Variants in MYCBP2 observed in about 807,000 individuals in gnomAD.
MYCBP2 encodes E3 ubiquitin-protein ligase MYCBP2.
In MYCBP2, 120 loss-of-function variants were observed where a neutral mutation model predicts 525.3. The observed-to-expected ratio is 0.23, with a 90% confidence interval of 0.20 to 0.27. The LOEUF (loss-of-function observed/expected upper bound fraction) is 0.27. Ranked by LOEUF, MYCBP2 falls within the 10% of genes least tolerant of loss-of-function variation. The pLI, the probability that MYCBP2 is intolerant of heterozygous loss-of-function variation, is 1.00. For missense variants in MYCBP2, 4,149 were observed against 5,657.1 expected (o/e 0.73, Z 8.55); for synonymous variants, 1,894 against 1,955.8 (o/e 0.97, Z 0.83).
In MYCBP2 at chr13:77,160,574, T is replaced by C. The variant is rs570060376; in HGVS notation, c.6597+1332A>G. 2.6e-5 allele frequency among the ~76,000 whole-genome samples: 4 copies of C among 152,316 alleles called. No individual in the cohort carries two copies. The South Asian group carries it at 8.3e-4, about 32-fold the overall frequency. On this transcript the variant is annotated intron_variant, in intron 44 of 82. Coordinates refer to ENST00000544440, the MANE Select transcript of MYCBP2 (RefSeq NM_015057.5). ...GTCTTCAAGAAGTCACAAAACTTCT[T>C]TGAACTTCAGTTATTATAATTGTAA...
chr13:77,081,317 T>C lies in MYCBP2; in HGVS notation c.11418+110A>G, dbSNP rs1395357198. 1 of 880,088 alleles carries C rather than the reference T, an allele frequency of 1.1e-6. No individual in the cohort carries two copies. Among genetic ancestry groups the C allele is most frequent in the African/African-American group, 1.7e-5 (1 of 59,432 alleles). The allele number at this position is 880,088 out of a possible 1,614,324, so 54.5% of individuals were successfully genotyped here. A position where few individuals can be genotyped will look rare whatever the true frequency, so the allele number is the denominator to read the frequency against. ...TGGGGATTATAGCAATGATGTTTGG[T>C]TGGTGAAATTCCAGGTGATAAAGCT... On this transcript the variant is annotated intron_variant, in intron 65 of 82. Coordinates refer to ENST00000544440, the MANE Select transcript of MYCBP2 (RefSeq NM_015057.5). This position sits in a 1 kb window ranked among gnomAD's most constrained non-coding sequence, Gnocchi z 4.6.
intron 17 of MYCBP2, among the ~76,000 whole-genome samples, chr13:77,239,153 A>G (rs2068439239): frequency 6.6e-6 from 1 of 152,202 alleles, no homozygotes; most frequent in Non-Finnish European, 1.5e-5. Flanking sequence ...AGTTCTGATC[A>G]TCTATGAAAA....
rs752502490 is a variant in MYCBP2 at position 77,083,230 on chromosome 13, G to A, written c.10876-38C>T. 3.2e-6 allele frequency: 5 copies of A among 1,582,782 alleles called. No homozygotes were observed. In the Admixed American group the frequency reaches 6.9e-5, roughly 22 times the overall value. On this transcript the variant is annotated intron_variant, in intron 62 of 82. Coordinates refer to ENST00000544440, the MANE Select transcript of MYCBP2 (RefSeq NM_015057.5). ...TTGAAACAAGTTTATCAGTTTGTGT[G>A]CTGGAAGGAATCCTCTTCACAAAAG...
chr13:77,287,347 G>A (rs1171068329), intron 3 of MYCBP2, among the ~76,000 whole-genome samples: 4 of 151,066 alleles, frequency 2.6e-5, no homozygotes, highest in Admixed American at 6.6e-5. Context: ...ACAATGCCGG[G>A]CTAATTTTTG....
rs1249969054 is a variant in MYCBP2 at position 77,185,602 on chromosome 13, T to C, written c.4445-225A>G. ...AAGTCCAAATTGCTTGTTCAAAATA[T>C]TTCTATTTGACAGAATTTGTTTAAA... On this transcript the variant is annotated intron_variant, in intron 31 of 82. Coordinates refer to ENST00000544440, the MANE Select transcript of MYCBP2 (RefSeq NM_015057.5). Among the ~76,000 whole-genome samples the C allele has an allele frequency of 1.3e-5, 2 of 152,214 alleles. 1 individual carries two copies. Among genetic ancestry groups the C allele is most frequent in the Middle Eastern group, 6.3e-3 (2 of 316 alleles).
intron 58 of MYCBP2, 125 bp downstream of exon 58, chr13:77,095,233 G>A: frequency 4.3e-6 from 5 of 1,164,644 alleles, no homozygotes; most frequent in Non-Finnish European, 5.9e-6. Flanking sequence ...ATAAATGCCT[G>A]GAAGTTTGTT....
chr13:77,057,039 G>C lies in MYCBP2; in HGVS notation c.13384C>G (p.Arg4462Gly), dbSNP rs771826319. Residue 4462 changes from arginine (R) to glycine (G), a missense_variant, in exon 79 of 83, where the codon CGA becomes GGA. Arg to Gly is a moderately radical substitution (Grantham distance 125). Coordinates refer to ENST00000544440, the MANE Select transcript of MYCBP2 (RefSeq NM_015057.5). ...AATGTTATCCTTGGGCCAAGCCATC[G>C]ATTTTCTAATACTCGCCGACAGCAC... ...LQCCRRVLEN[R>G]WLGPRITFGF... 6.2e-7 allele frequency: 1 copy of C among 1,613,908 alleles called. No homozygotes were observed. The highest frequency in any genetic ancestry group is 8.5e-7 in the Non-Finnish European group (1 of 1,179,890).
intron 17 of MYCBP2, among the ~76,000 whole-genome samples, chr13:77,234,203 G>A (rs1433829690): frequency 6.6e-6 from 1 of 151,588 alleles, no homozygotes; most frequent in African/African-American, 2.4e-5. Context: ...TTATACAGCA[G>A]AACTATAGTT....
At chr13:77,200,695 C>T (rs1216846133) in intron 26 of MYCBP2, among the ~76,000 whole-genome samples, 1 of 152,140 alleles carries the variant, frequency 6.6e-6, no homozygotes, top group Non-Finnish European at 1.5e-5. Flanking sequence ...GCGGATCTCT[C>T]AGCAGAAACT....
chr13:77,113,637 T>C (rs570616435), intron 55 of MYCBP2, among the ~76,000 whole-genome samples: 6 of 152,252 alleles, frequency 3.9e-5, no homozygotes, highest in African/African-American at 1.4e-4. Context: ...AAATGTCTTG[T>C]AAGCAACATC....
Position 77,273,606 on chromosome 13 carries a change from C to T in MYCBP2, c.811G>A (p.Gly271Arg). The T allele has an allele frequency of 6.2e-7, 1 of 1,602,442 alleles. No homozygotes were observed. The highest frequency in any genetic ancestry group is 8.5e-7 in the Non-Finnish European group (1 of 1,177,050). The change falls in exon 5 of 83, where the codon GGA becomes AGA. Residue 271 changes from glycine (G) to arginine (R), a missense_variant. Physicochemically the swap from Gly to Arg is moderately radical, Grantham distance 125 (BLOSUM62 -2). Around this residue, in one of 21 missense-constraint regions of MYCBP2, gnomAD observed 413 missense variants for 451.2 expected, o/e 0.92. Transcript: ENST00000544440. ...VRSTGMNDST[G>R]QSLTALSCAC... ...CAGGAAAGTGCTGTTAAGGACTGTC[C>T]TGTGCTGTCATTCATCCCAGTACTT...
chr13:77,138,292 C>G (rs776695013), intron 52 of MYCBP2, among the ~76,000 whole-genome samples: 2 of 152,104 alleles, frequency 1.3e-5, no homozygotes, highest in African/African-American at 2.4e-5. Flanking sequence ...AATAGAAATT[C>G]CAATGTTTTC....
intron 23 of MYCBP2, among the ~76,000 whole-genome samples, chr13:77,207,925 T>C (rs565469075): frequency 6.6e-6 from 1 of 152,202 alleles, no homozygotes; most frequent in East Asian, 1.9e-4. Context: ...GACAAGAAGA[T>C]ACTAGAAATT....
At chr13:77,071,368 T>C (rs1356804393) in intron 68 of MYCBP2, among the ~76,000 whole-genome samples, 1 of 151,998 alleles carries the variant, frequency 6.6e-6, no homozygotes, top group Non-Finnish European at 1.5e-5. Context: ...TTGCCTACTT[T>C]ACAGGTAAGA....
rs143830725 is a variant in MYCBP2 at position 77,162,984 on chromosome 13, C to A, written c.6548-1029G>T. 1.0e-3 allele frequency among the ~76,000 whole-genome samples: 157 copies of A among 152,168 alleles called. 1 individual carries two copies. The highest frequency in any genetic ancestry group is 3.4e-3 in the Middle Eastern group (1 of 294). ...CAGAGTAATGTATGCAAAAATGGGACCTTCTTCTGCAACTTGCTTTTCTCA... is the reference window on the plus strand; with the variant it reads ...CAGAGTAATGTATGCAAAAATGGGAACTTCTTCTGCAACTTGCTTTTCTCA... On this transcript the variant is annotated intron_variant, in intron 43 of 82. Transcript: ENST00000544440.
chr13:77,270,286 A>G lies in MYCBP2; in HGVS notation c.1188+10T>C. Reference sequence around the variant, plus strand: ...CTGTATAATTAAGGAACTGTAAGGAATCACATTACCCTAACTGTTCCACTG... The same window carrying G: ...CTGTATAATTAAGGAACTGTAAGGAGTCACATTACCCTAACTGTTCCACTG... On this transcript the variant is annotated intron_variant, in intron 6 of 82. Transcript: ENST00000544440. The G allele has an allele frequency of 6.2e-7, 1 of 1,600,032 alleles. No individual in the cohort carries two copies. The highest frequency in any genetic ancestry group is 8.5e-7 in the Non-Finnish European group (1 of 1,172,298).
At chr13:77,259,242 GAGAC>G (rs1247172925) in intron 13 of MYCBP2, among the ~76,000 whole-genome samples, 1 of 152,008 alleles carries the variant, frequency 6.6e-6, no homozygotes, top group Non-Finnish European at 1.5e-5. Flanking sequence ...TCCAGCCTGG[GAGAC>G]AGAGTGAGAC....
At chr13:77,313,872 A>C (rs961942699) in intron 1 of MYCBP2, among the ~76,000 whole-genome samples, 5 of 152,132 alleles carry the variant, frequency 3.3e-5, no homozygotes, top group Non-Finnish European at 7.4e-5. Flanking sequence ...CTCACCGAAC[A>C]AGATATATAG....
intron 15 of MYCBP2, among the ~76,000 whole-genome samples, chr13:77,250,640 G>A (rs2071037511): frequency 6.6e-6 from 1 of 152,144 alleles, no homozygotes; most frequent in Non-Finnish European, 1.5e-5. Flanking sequence ...GAAAAATGTG[G>A]TCCATTGAGA....
Sources: allele counts gnomAD v4.1 joint callset (sites outside exome capture counted in the v4.1 genomes callset), GRCh38; gene constraint gnomAD v4.1.1; regional missense constraint gnomAD v4.1.1; non-coding constraint Gnocchi (gnomAD v3.1); transcripts MANE v1.5; gene names NCBI Gene and HGNC (gene_info 2026-07-23, HGNC 2026-07-21).